The following RAP1B variants were observed in gnomAD, a reference collection of about 807,000 sequenced individuals.
RAP1B encodes ras-related protein Rap-1b.
In RAP1B, 1 loss-of-function variant was observed where a neutral mutation model predicts 27.5. That is an observed-to-expected ratio of 0.04 (90% CI 0.01 to 0.17). RAP1B has a LOEUF of 0.17. RAP1B is among the 10% of genes least tolerant of loss of function. The pLI, the probability that RAP1B is intolerant of heterozygous loss-of-function variation, is 1.00. For synonymous variants in RAP1B, 75 were observed against 73.1 expected (o/e 1.03, Z -0.13); for missense variants, 84 against 214.8 (o/e 0.39, Z 3.81).
intron 1 of RAP1B, among the ~76,000 whole-genome samples, chr12:68,637,155 A>G (rs1872682297): frequency 6.6e-6 from 1 of 152,212 alleles, no homozygotes. Context: ...TTTATAGACC[A>G]AATAGTGGGT....
intron 1 of RAP1B, among the ~76,000 whole-genome samples, chr12:68,611,394 C>T (rs1475237792): frequency 7.1e-6 from 1 of 140,462 alleles, no homozygotes; most frequent in Non-Finnish European, 1.5e-5. Flanking sequence ...CGCAGCTTCT[C>T]CCGCCGCCCT....
intron 5 of RAP1B, among the ~76,000 whole-genome samples, chr12:68,655,930 C>T (rs988370810): frequency 1.3e-5 from 2 of 152,098 alleles, no homozygotes; most frequent in Non-Finnish European, 2.9e-5. Flanking sequence ...GTTTTTTCCC[C>T]CCATCTCTCA....
chr12:68,613,408 A>G (rs78219502), intron 1 of RAP1B, among the ~76,000 whole-genome samples: 1 of 149,640 alleles, frequency 6.7e-6, no homozygotes, highest in Non-Finnish European at 1.5e-5. Flanking sequence ...AAAAAAAAAA[A>G]GGAGATAAGA....
At chr12:68,613,245 A>G (rs1870736868) in intron 1 of RAP1B, among the ~76,000 whole-genome samples, 1 of 152,078 alleles carries the variant, frequency 6.6e-6, no homozygotes, top group Non-Finnish European at 1.5e-5. Context: ...CTGCAATCCC[A>G]GCTATTCGGG....
chr12:68,613,722 G>C (rs1870784514), intron 1 of RAP1B, among the ~76,000 whole-genome samples: 1 of 152,236 alleles, frequency 6.6e-6, no homozygotes. Flanking sequence ...ACAGTGTAGC[G>C]CGTTGCCTGG....
intron 1 of RAP1B, among the ~76,000 whole-genome samples, chr12:68,613,247 C>G (rs151103260): frequency 6.6e-6 from 1 of 151,998 alleles, no homozygotes; most frequent in Non-Finnish European, 1.5e-5. Context: ...GCAATCCCAG[C>G]TATTCGGGAG....
chr12:68,646,938 T>G (rs556772085), intron 1 of RAP1B, among the ~76,000 whole-genome samples: 2 of 152,326 alleles, frequency 1.3e-5, no homozygotes, highest in South Asian at 4.1e-4. Flanking sequence ...CCATTTTAGG[T>G]TTCCTATTTC....
In RAP1B at chr12:68,625,920, C is replaced by CA. The variant is rs770271886; in HGVS notation, c.-27+14892dup. Among the ~76,000 whole-genome samples, 371 of 117,072 alleles carry CA rather than the reference C, an allele frequency of 3.2e-3. 1 individual carries two copies. Among genetic ancestry groups the CA allele is most frequent in the Middle Eastern group, 0.011 (2 of 186 alleles). 76.8% of individuals were successfully genotyped at this position (117,072 alleles called of 152,430 possible). A position where few individuals can be genotyped will look rare whatever the true frequency, so the allele number is the denominator to read the frequency against. ...CTGGCGATAGAGCGAGACTCTGTCT[C>CA]AAAAAAAAAAAAAAAGTTTCAGGTG... On this transcript the variant is annotated intron_variant, in intron 1 of 7. Coordinates refer to ENST00000250559, the MANE Select transcript of RAP1B (RefSeq NM_001010942.3).
intron 7 of RAP1B, among the ~76,000 whole-genome samples, chr12:68,658,867 A>G (rs888106106): frequency 6.6e-6 from 1 of 152,236 alleles, no homozygotes; most frequent in East Asian, 1.9e-4. Flanking sequence ...ATCTAATTCT[A>G]GGAGTACATT....
intron 1 of RAP1B, among the ~76,000 whole-genome samples, chr12:68,625,508 G>T (rs1871694652): frequency 3.3e-5 from 5 of 152,166 alleles, no homozygotes; most frequent in Admixed American, 2.0e-4. Context: ...TGAACTTCTG[G>T]CAGGTTTACT....
At chr12:68,622,618 A>AT (rs1871462933) in intron 1 of RAP1B, among the ~76,000 whole-genome samples, 1 of 152,198 alleles carries the variant, frequency 6.6e-6, no homozygotes, top group Non-Finnish European at 1.5e-5. Flanking sequence ...ATAAAGGAGC[A>AT]TTCCTCTTCA....
chr12:68,644,765 T>C (rs1414076089), intron 1 of RAP1B, among the ~76,000 whole-genome samples: 1 of 143,298 alleles, frequency 7.0e-6, no homozygotes, highest in Non-Finnish European at 1.5e-5. Context: ...CTGGGCTCAC[T>C]GCAACCTCCA....
intron 1 of RAP1B, among the ~76,000 whole-genome samples, chr12:68,630,940 T>C (rs1417179608): frequency 1.3e-5 from 2 of 152,124 alleles, no homozygotes; most frequent in African/African-American, 4.8e-5. Context: ...TTGTTTTTTT[T>C]TTCATGTACT....
chr12:68,657,835 C>G (rs937247669), intron 7 of RAP1B: 10 of 160,206 alleles, frequency 6.2e-5, no homozygotes, highest in African/African-American at 2.2e-4. Context: ...AACACACACA[C>G]ACACACACAC....
intron 6 of RAP1B, 108 bp downstream of exon 6, chr12:68,656,557 T>C: frequency 8.9e-7 from 1 of 1,126,540 alleles, no homozygotes; most frequent in Non-Finnish European, 1.3e-6. Flanking sequence ...AATATGTTGA[T>C]GTTACAGGCA....
intron 5 of RAP1B, 149 bp from the exon 6 acceptor site, chr12:68,656,157 G>T (rs1874190469): frequency 4.3e-6 from 3 of 694,816 alleles, no homozygotes; most frequent in African/African-American, 1.8e-5. Context: ...AGATTAAATT[G>T]TTAAGGCTGT....
At chr12:68,646,493 A>G (rs189229740) in intron 1 of RAP1B, among the ~76,000 whole-genome samples, 234 of 152,138 alleles carry the variant, frequency 1.5e-3, no homozygotes, top group Non-Finnish European at 2.7e-3. Flanking sequence ...ACGGGGTTTC[A>G]CCATATTGGC....
At chr12:68,632,160 T>TTTTTTCC (rs150063055) in intron 1 of RAP1B, among the ~76,000 whole-genome samples, 1 of 144,726 alleles carries the variant, frequency 6.9e-6, no homozygotes, top group African/African-American at 2.7e-5. Context: ...GTTTTTTTTT[T>TTTTTTCC]CCAGACTGTT....
intron 1 of RAP1B, among the ~76,000 whole-genome samples, chr12:68,623,977 C>T (rs952797574): frequency 7.3e-5 from 11 of 150,436 alleles, no homozygotes; most frequent in African/African-American, 2.5e-4. Context: ...GCCGAGATTG[C>T]GCCATGGCAT....
Sources: gnomAD v4.1 joint callset for allele counts (sites outside exome capture counted in the v4.1 genomes callset) on GRCh38, gnomAD v4.1.1 for gene constraint, MANE v1.5 for transcripts, NCBI Gene and HGNC (gene_info 2026-07-23, HGNC 2026-07-21) for gene names.